UBAP2L: variants seen among roughly 807,000 people sequenced by gnomAD.
UBAP2L encodes ubiquitin-associated protein 2-like.
In UBAP2L, 12 loss-of-function variants were observed where a neutral mutation model predicts 130.6. That is an observed-to-expected ratio of 0.09 (90% confidence interval 0.06 to 0.15). The LOEUF (loss-of-function observed/expected upper bound fraction) is 0.15, where lower values mean the gene tolerates loss of function less well. Ranked by LOEUF, UBAP2L falls within the 10% of genes least tolerant of loss-of-function variation. The probability of loss-of-function intolerance (pLI) is 1.00; values close to 1 mark genes in which losing one functional copy is unlikely to be tolerated. For synonymous variants in UBAP2L, 503 were observed against 524.7 expected (o/e 0.96, Z 0.57); for missense variants, 965 against 1,332.5 (o/e 0.72, Z 4.29).
Position 154,260,921 on chromosome 1 carries a change from G to T in UBAP2L, c.2608G>T (p.Ala870Ser), listed in dbSNP as rs1681359279. Reference protein sequence around the residue: ...GDLTKFGRGDASSPAPATTLA... With the variant: ...GDLTKFGRGDSSSPAPATTLA... The stretch of plus-strand genomic sequence containing the variant: ...CCTCACAAAGTTCGGCCGTGGGGAT[G>T]CCTCCTCCCCAGCCCCGGCCACAAC... Residue 870 changes from alanine to serine, a missense_variant, in exon 23 of 27, where the codon GCC (alanine) becomes TCC (serine). By Grantham distance (99) the Ala-to-Ser change is moderately conservative. Coordinates refer to ENST00000428931, the MANE Select transcript of UBAP2L (RefSeq NM_014847.4). 2 of 1,614,210 alleles carry T rather than the reference G, an allele frequency of 1.2e-6. No homozygotes were observed. Among genetic ancestry groups the T allele is most frequent in the Non-Finnish European group, 1.7e-6 (2 of 1,180,030 alleles).
At position 154,255,685 on chromosome 1, in the gene UBAP2L, C is replaced by T. The variant is rs771097957; in HGVS notation, c.2087C>T (p.Thr696Met). ...GGCAGCCTCTTTTTTTCTGACAGCA[C>T]GTTATCTACGCAGCAGAATACCCTT... is the stretch of plus-strand genomic sequence containing the variant. ...PNTTTTQHSS[T>M]LSTQQNTLSS... Residue 696 changes from threonine to methionine, a missense_variant and splice_region_variant, in exon 18 of 27, where the codon ACG becomes ATG. Transcript: ENST00000428931. 5.7e-5 allele frequency: 92 copies of T among 1,614,008 alleles called. No individual in the cohort carries two copies. In the Admixed American group the frequency reaches 1.1e-3, roughly 19 times the overall value.
At chr1:154,226,639 GGTTATTA>G in intron 2 of UBAP2L, among the ~76,000 whole-genome samples, 1 of 152,148 alleles carries the variant, frequency 6.6e-6, no homozygotes, top group Non-Finnish European at 1.5e-5. Flanking sequence ...GGATGGCGTT[GGTTATTA>G]CAGAAATAAG....
chr1:154,221,603 A>G (rs1253641308), intron 1 of UBAP2L, among the ~76,000 whole-genome samples: 1 of 152,022 alleles, frequency 6.6e-6, no homozygotes, highest in Non-Finnish European at 1.5e-5. Context: ...GCTGGGAGGT[A>G]GGGAGGAGAT....
intron 25 of UBAP2L, among the ~76,000 whole-genome samples, chr1:154,268,387 C>G (rs1245340221): frequency 6.6e-6 from 1 of 152,078 alleles, no homozygotes; most frequent in Admixed American, 6.6e-5. Flanking sequence ...GACGGGGTTT[C>G]ACCATATTGG....
At chr1:154,224,229 T>C (rs1571561741) in intron 1 of UBAP2L, among the ~76,000 whole-genome samples, 1 of 152,210 alleles carries the variant, frequency 6.6e-6, no homozygotes, top group African/African-American at 2.4e-5. Flanking sequence ...TAAAATGATT[T>C]CTTAGAAGCA....
At position 154,269,567 on chromosome 1, in the gene UBAP2L, C is replaced by T. The variant is rs1254434027; in HGVS notation, c.3168+613C>T. The stretch of plus-strand genomic sequence containing the variant: ...GAGCTCTCTGGCCTCCCCTTCCTCT[C>T]TCCTCCTCCCCTCCCCAACACCCTC... On this transcript the variant is annotated intron_variant, in intron 26 of 26. Coordinates refer to ENST00000428931, the MANE Select transcript of UBAP2L (RefSeq NM_014847.4). 38 of 439,100 alleles carry T rather than the reference C, an allele frequency of 8.7e-5. 1 individual carries two copies. The highest frequency in any genetic ancestry group is 6.1e-4 in the South Asian group (33 of 54,508). 27.2% of individuals were successfully genotyped at this position (439,100 alleles called of 1,614,324 possible). A position where few individuals can be genotyped will look rare whatever the true frequency, so the allele number is the denominator to read the frequency against.
At chr1:154,243,651 G>A (rs920450733) in intron 10 of UBAP2L, among the ~76,000 whole-genome samples, 1 of 152,042 alleles carries the variant, frequency 6.6e-6, no homozygotes, top group Admixed American at 6.5e-5. Context: ...AGTAGAGACG[G>A]TGTTTCACCA....
chr1:154,257,541 C>A, intron 20 of UBAP2L, 107 bp downstream of exon 20: 2 of 1,189,914 alleles, frequency 1.7e-6, no homozygotes, highest in Non-Finnish European at 2.4e-6. Context: ...CTTGCACATA[C>A]TCAAGCCCTG....
chr1:154,268,978 C>G, intron 26 of UBAP2L, 24 bp downstream of exon 26: 1 of 1,611,930 alleles, frequency 6.2e-7, no homozygotes, highest in South Asian at 1.1e-5. Context: ...CCCTTCTCTC[C>G]TTTCCCTTCC....
intron 17 of UBAP2L, 126 bp downstream of exon 17, chr1:154,255,452 A>C: frequency 7.6e-7 from 1 of 1,322,082 alleles, no homozygotes; most frequent in Non-Finnish European, 1.0e-6. Flanking sequence ...TGGGTGACCT[A>C]AGAACTGTGG....
chr1:154,263,822 G>A (rs971376415), intron 24 of UBAP2L, among the ~76,000 whole-genome samples: 8 of 152,226 alleles, frequency 5.3e-5, no homozygotes, highest in African/African-American at 1.9e-4. Context: ...GGAGTGTCAT[G>A]TCATGGTGAA....
chr1:154,261,912 A>G (rs1681678260), intron 24 of UBAP2L, among the ~76,000 whole-genome samples: 1 of 152,196 alleles, frequency 6.6e-6, no homozygotes, highest in Admixed American at 6.5e-5. Context: ...TGTGACGGGA[A>G]TGCCCAAGAG....
At chr1:154,258,702 G>A (rs112623845) in intron 20 of UBAP2L, 31 of 291,458 alleles carry the variant, frequency 1.1e-4, no homozygotes, top group Admixed American at 8.6e-4. Flanking sequence ...CTGGTTGTTC[G>A]TGTATGTTTT....
intron 10 of UBAP2L, 107 bp downstream of exon 10, chr1:154,243,409 T>A: frequency 1.1e-6 from 1 of 876,678 alleles, no homozygotes; most frequent in Non-Finnish European, 1.8e-6. Flanking sequence ...TCAATAATAA[T>A]AACCAAATTA....
chr1:154,243,249 T>G lies in UBAP2L; in HGVS notation c.789T>G (p.Asn263Lys). ...LSETKIFTASNVSSVPLPAEN... is the reference protein window; with the variant it reads ...LSETKIFTASKVSSVPLPAEN... ...AGACCAAGATCTTCACTGCCTCTAATGTGTCTTCAGTGCCTCTGCCTGCGG... is the reference window on the plus strand; with the variant it reads ...AGACCAAGATCTTCACTGCCTCTAAGGTGTCTTCAGTGCCTCTGCCTGCGG... Residue 263 changes from asparagine to lysine, a missense_variant, in exon 10 of 27, where the codon AAT becomes AAG. Coordinates refer to ENST00000428931, the MANE Select transcript of UBAP2L (RefSeq NM_014847.4). 6.2e-7 allele frequency: 1 copy of G among 1,612,036 alleles called. No individual in the cohort carries two copies. The highest frequency in any genetic ancestry group is 1.1e-5 in the South Asian group (1 of 91,064).
At chr1:154,269,263 C>T in intron 26 of UBAP2L, 1 of 1,211,090 alleles carries the variant, frequency 8.3e-7, no homozygotes, top group East Asian at 3.1e-5. Context: ...CTCTCCCAGC[C>T]TTCCCTCTTC....
intron 24 of UBAP2L, among the ~76,000 whole-genome samples, chr1:154,264,938 T>G (rs187210202): frequency 2.6e-5 from 4 of 152,334 alleles, no homozygotes; most frequent in Admixed American, 2.6e-4. Flanking sequence ...CTCAGTGATT[T>G]GCCAGATGGG....
Position 154,241,387 on chromosome 1 carries a change from C to G in UBAP2L, c.704-126C>G, listed in dbSNP as rs992288113. Reference sequence around the variant, plus strand: ...ATAGGTGTGAGCCACCACACCTGGCCTTCTGATTACTAAATTTTAGTCATA... The same window carrying G: ...ATAGGTGTGAGCCACCACACCTGGCGTTCTGATTACTAAATTTTAGTCATA... On this transcript the variant is annotated intron_variant, in intron 8 of 26. Transcript: ENST00000428931. 2.9e-5 allele frequency: 24 copies of G among 827,752 alleles called. No homozygotes were observed. The African/African-American group carries it at 3.6e-4, about 12-fold the overall frequency. 51.3% of individuals were successfully genotyped at this position (827,752 alleles called of 1,614,324 possible). A position where few individuals can be genotyped will look rare whatever the true frequency, so the allele number is the denominator to read the frequency against.
intron 4 of UBAP2L, among the ~76,000 whole-genome samples, chr1:154,229,195 G>C (rs897874606): frequency 6.6e-6 from 1 of 151,702 alleles, no homozygotes; most frequent in Non-Finnish European, 1.5e-5. Flanking sequence ...GCACACTACT[G>C]TTTCATTGCC....
Sources: gnomAD v4.1 joint callset for allele counts (sites outside exome capture counted in the v4.1 genomes callset) on GRCh38, gnomAD v4.1.1 for gene constraint, MANE v1.5 for transcripts, NCBI Gene and HGNC (gene_info 2026-07-23, HGNC 2026-07-21) for gene names.